PCCB: variants seen among roughly 807,000 people sequenced by gnomAD.
PCCB encodes propionyl-CoA carboxylase subunit beta.
PCCB carries 43 observed loss-of-function variants against 60.7 expected under a neutral mutation model. The observed-to-expected ratio is 0.71, with a 90% CI of 0.55 to 0.91. The LOEUF (loss-of-function observed/expected upper bound fraction) is 0.91, where lower values mean the gene tolerates loss of function less well. Ranked by LOEUF, PCCB falls within the 40% of genes least tolerant of loss-of-function variation. PCCB has a pLI of 0.00. For missense variants in PCCB, 766 were observed against 702.8 expected (o/e 1.09, Z -1.02); for synonymous variants, 276 against 255.9 (o/e 1.08, Z -0.75).
In PCCB at chr3:136,287,294, T is replaced by C. The variant is rs151135018; in HGVS notation, c.654+3347T>C. On this transcript the variant is annotated intron_variant, in intron 6 of 14. Coordinates refer to ENST00000251654, the MANE Select transcript of PCCB (RefSeq NM_000532.5). ...TTACGTTAAGTGAAACCATATAATA[T>C]GCTTTCTTGTGTGCATGGCTTCTGG... 1.8e-3 allele frequency among the ~76,000 whole-genome samples: 270 copies of C among 152,326 alleles called. 1 individual carries two copies. The Middle Eastern group carries it at 0.024, about 13-fold the overall frequency.
chr3:136,328,728 A>G (rs748761958), intron 13 of PCCB, 30 bp from the exon 14 acceptor site: 1 of 1,573,764 alleles, frequency 6.4e-7, no homozygotes, highest in African/African-American at 1.3e-5. Context: ...TGGGACGACC[A>G]AAGATGTTCA....
rs1191525733 is a variant in PCCB at position 136,260,521 on chromosome 3, C to G, written c.415C>G (p.Gln139Glu). The change falls in exon 4 of 15, where the codon CAA becomes GAA. Residue 139 changes from glutamine (Q) to glutamate (E), a missense_variant. Coordinates refer to ENST00000251654, the MANE Select transcript of PCCB (RefSeq NM_000532.5). ...AGGCAGTCTGTCAGGAGCACATGCC[C>G]AAAAGATCTGCAAAGTAAGTGTTTA... ...FGGSLSGAHA[Q>E]KICKIMDQAI... 2.5e-6 allele frequency: 4 copies of G among 1,612,956 alleles called. No homozygotes were observed. The African/African-American group carries it at 4.0e-5, about 16-fold the overall frequency.
At position 136,262,650 on chromosome 3, in the gene PCCB, A is replaced by G. The variant is rs1245162192; in HGVS notation, c.543+585A>G. Among the ~76,000 whole-genome samples, 3 of 152,238 alleles carry G rather than the reference A, an allele frequency of 2.0e-5. No individual in the cohort carries two copies. The East Asian group carries it at 5.8e-4, about 29-fold the overall frequency. Reference sequence around the variant, plus strand: ...AGTATAAAGTATATTTGTGAGAGATACAGTAAGAGGCTGGGATGAGGGAGA... The same window carrying G: ...AGTATAAAGTATATTTGTGAGAGATGCAGTAAGAGGCTGGGATGAGGGAGA... On this transcript the variant is annotated intron_variant, in intron 5 of 14. Coordinates refer to ENST00000251654, the MANE Select transcript of PCCB (RefSeq NM_000532.5).
chr3:136,286,251 C>A (rs973202252), intron 6 of PCCB, among the ~76,000 whole-genome samples: 1 of 152,210 alleles, frequency 6.6e-6, no homozygotes, highest in Non-Finnish European at 1.5e-5. Context: ...TGCTGCATCA[C>A]TAAATCCAGT....
chr3:136,299,624 AG>A (rs1258919064), intron 8 of PCCB, among the ~76,000 whole-genome samples: 4 of 93,050 alleles, frequency 4.3e-5, no homozygotes, highest in Middle Eastern at 6.6e-3. Flanking sequence ...GTGTATGTAT[AG>A]GTATGCATGT....
intron 5 of PCCB, among the ~76,000 whole-genome samples, chr3:136,270,380 G>A (rs1192532588): frequency 2.0e-5 from 3 of 152,162 alleles, no homozygotes; most frequent in Non-Finnish European, 2.9e-5. Flanking sequence ...CATAGAATGA[G>A]TTGGAAGGGT....
At chr3:136,298,776 A>G (rs1397944027) in intron 8 of PCCB, among the ~76,000 whole-genome samples, 1 of 152,154 alleles carries the variant, frequency 6.6e-6, no homozygotes, top group African/African-American at 2.4e-5. Context: ...TTTCCTCTCC[A>G]AATTATAAGC....
chr3:136,329,306 C>T (rs1375554723), intron 14 of PCCB, among the ~76,000 whole-genome samples: 1 of 152,146 alleles, frequency 6.6e-6, no homozygotes, highest in African/African-American at 2.4e-5. Context: ...GCGTCACTTA[C>T]TTGGTAGTTG....
chr3:136,327,344 G>A, intron 12 of PCCB, 89 bp downstream of exon 12: 1 of 959,724 alleles, frequency 1.0e-6, no homozygotes, highest in Non-Finnish European at 1.7e-6. Flanking sequence ...TACCAGGGCT[G>A]GAAGGAGTAC....
intron 5 of PCCB, among the ~76,000 whole-genome samples, chr3:136,268,908 C>T (rs1942112292): frequency 6.6e-6 from 1 of 152,170 alleles, no homozygotes; most frequent in Non-Finnish European, 1.5e-5. Flanking sequence ...GTTTATGTAG[C>T]TCTATACTTT....
At chr3:136,251,347 G>A (rs1559992736) in intron 1 of PCCB, 2 of 456,516 alleles carry the variant, frequency 4.4e-6, no homozygotes, top group Non-Finnish European at 8.8e-6. Context: ...TGGTGGGTGA[G>A]TCTGGACCGT....
chr3:136,326,963 C>T, intron 11 of PCCB, 53 bp downstream of exon 11: 3 of 1,260,588 alleles, frequency 2.4e-6, no homozygotes, highest in Non-Finnish European at 2.3e-6. Context: ...CAGTAAGGTG[C>T]CCACTTTATT....
At chr3:136,277,234 C>T (rs1236583924) in intron 5 of PCCB, among the ~76,000 whole-genome samples, 1 of 152,180 alleles carries the variant, frequency 6.6e-6, no homozygotes, top group Non-Finnish European at 1.5e-5. Context: ...TGCAGGACCT[C>T]CTGGTTAGCC....
At chr3:136,272,722 A>G (rs574539363) in intron 5 of PCCB, among the ~76,000 whole-genome samples, 16 of 151,920 alleles carry the variant, frequency 1.1e-4, no homozygotes, top group African/African-American at 3.9e-4. Flanking sequence ...CATTGAGCTT[A>G]TTTGGATCTA....
chr3:136,314,261 T>A (rs1222611254), intron 9 of PCCB, among the ~76,000 whole-genome samples: 1 of 152,194 alleles, frequency 6.6e-6, no homozygotes, highest in African/African-American at 2.4e-5. Flanking sequence ...TGAAAGATTA[T>A]AATCCATAGA....
chr3:136,277,482 A>T (rs762072135), intron 5 of PCCB, among the ~76,000 whole-genome samples: 4 of 151,940 alleles, frequency 2.6e-5, no homozygotes, highest in Non-Finnish European at 4.4e-5. Context: ...AAGCTGCCAA[A>T]AGTTTCTGTC....
At chr3:136,276,608 G>C (rs1012250587) in intron 5 of PCCB, among the ~76,000 whole-genome samples, 2 of 152,180 alleles carry the variant, frequency 1.3e-5, no homozygotes, top group African/African-American at 4.8e-5. Context: ...GATTCCTCCT[G>C]TGGAGATGCA....
At chr3:136,329,622 AT>A (rs1332609636) in intron 14 of PCCB, among the ~76,000 whole-genome samples, 18 of 152,144 alleles carry the variant, frequency 1.2e-4, no homozygotes, top group Non-Finnish European at 8.8e-5. Context: ...TTCCTATTGA[AT>A]TCATTGTGGC....
intron 8 of PCCB, among the ~76,000 whole-genome samples, chr3:136,300,637 C>T (rs1018338523): frequency 1.2e-4 from 18 of 152,142 alleles, no homozygotes; most frequent in Admixed American, 3.9e-4. Flanking sequence ...TTTGCATTTC[C>T]AAGTCCTTGT....
Sources: allele counts gnomAD v4.1 joint callset (sites outside exome capture counted in the v4.1 genomes callset), GRCh38; gene constraint gnomAD v4.1.1; transcripts MANE v1.5; gene names NCBI Gene and HGNC (gene_info 2026-07-23, HGNC 2026-07-21).